Variants in UNC5C observed in about 807,000 individuals in gnomAD.
UNC5C encodes unc-5 netrin receptor C, also known as netrin receptor UNC5C.
Under a neutral mutation model 99.8 loss-of-function variants are expected in UNC5C, and 47 were observed. The observed-to-expected ratio is 0.47, with a 90% confidence interval of 0.37 to 0.60. The LOEUF (loss-of-function observed/expected upper bound fraction) is 0.60, where lower values mean the gene tolerates loss of function less well. UNC5C is among the 20% of genes least tolerant of loss of function. The probability of loss-of-function intolerance (pLI) is 0.00; values close to 1 mark genes in which losing one functional copy is unlikely to be tolerated. For missense variants in UNC5C, 1,062 were observed against 1,165.9 expected, an observed-to-expected ratio of 0.91 and a Z score of 1.30; for synonymous variants, 487 against 452.2, an observed-to-expected ratio of 1.08 and a Z score of -0.98.
intron 1 of UNC5C, among the ~76,000 whole-genome samples, chr4:95,385,144 G>T (rs1418155455): frequency 6.6e-6 from 1 of 152,062 alleles, no homozygotes; most frequent in Non-Finnish European, 1.5e-5. Context: ...CATTCACAGT[G>T]CTTTGTAGAC....
intron 1 of UNC5C, among the ~76,000 whole-genome samples, chr4:95,520,844 C>T (rs1238877412): frequency 6.6e-6 from 1 of 152,060 alleles, no homozygotes; most frequent in Non-Finnish European, 1.5e-5. Flanking sequence ...TCGTGATCCA[C>T]CCGCCTCGGC....
chr4:95,336,767 A>G (rs1254611961), intron 1 of UNC5C, among the ~76,000 whole-genome samples: 1 of 151,938 alleles, frequency 6.6e-6, no homozygotes, highest in Non-Finnish European at 1.5e-5. Context: ...CAAGCTGCCC[A>G]CAGTAGTAAA....
chr4:95,454,088 G>A (rs1400180892), intron 1 of UNC5C, among the ~76,000 whole-genome samples: 1 of 152,040 alleles, frequency 6.6e-6, no homozygotes, highest in Non-Finnish European at 1.5e-5. Context: ...TGGGGTGGTA[G>A]TTGCACAATA....
intron 1 of UNC5C, among the ~76,000 whole-genome samples, chr4:95,455,274 G>T (rs1262685729): frequency 6.6e-6 from 1 of 152,112 alleles, no homozygotes; most frequent in Non-Finnish European, 1.5e-5. Context: ...GCAAAGTGAT[G>T]TCTAAGCTGG....
intron 1 of UNC5C, among the ~76,000 whole-genome samples, chr4:95,369,952 T>C (rs2149438278): frequency 6.6e-6 from 1 of 152,210 alleles, no homozygotes; most frequent in South Asian, 2.1e-4. Context: ...CAGAATAACT[T>C]TACCATCTGT....
At chr4:95,405,271 A>C (rs1055326672) in intron 1 of UNC5C, among the ~76,000 whole-genome samples, 15 of 151,720 alleles carry the variant, frequency 9.9e-5, no homozygotes, top group African/African-American at 3.6e-4. Flanking sequence ...AGCCCAAAGT[A>C]CTCGCCCCGG....
chr4:95,332,902 T>C (rs1024419934), intron 2 of UNC5C, among the ~76,000 whole-genome samples: 26 of 151,816 alleles, frequency 1.7e-4, no homozygotes, highest in African/African-American at 6.3e-4. Flanking sequence ...CATCAAAAAG[T>C]GGGCAAAGGA....
intron 7 of UNC5C, among the ~76,000 whole-genome samples, chr4:95,240,178 C>T (rs185975744): frequency 4.5e-4 from 69 of 152,300 alleles, no homozygotes; most frequent in Non-Finnish European, 1.5e-5. Context: ...AACTTTCTGG[C>T]TATCTTTTCT....
At chr4:95,365,172 T>C (rs1191174695) in intron 1 of UNC5C, among the ~76,000 whole-genome samples, 1 of 149,926 alleles carries the variant, frequency 6.7e-6, no homozygotes, top group Non-Finnish European at 1.5e-5. Context: ...GGCATGTCCA[T>C]GTAGTCCCAG....
At chr4:95,484,262 T>C (rs967099465) in intron 1 of UNC5C, among the ~76,000 whole-genome samples, 1 of 151,858 alleles carries the variant, frequency 6.6e-6, no homozygotes, top group Non-Finnish European at 1.5e-5. Flanking sequence ...CATTCAAAGA[T>C]TTTGAGCAAA....
intron 1 of UNC5C, among the ~76,000 whole-genome samples, chr4:95,494,850 C>T (rs1721589986): frequency 6.6e-6 from 1 of 151,292 alleles, no homozygotes; most frequent in Non-Finnish European, 1.5e-5. Context: ...AGAAGTAACT[C>T]ACTATTGCCT....
intron 1 of UNC5C, among the ~76,000 whole-genome samples, chr4:95,392,620 T>A (rs1292976661): frequency 1.3e-5 from 2 of 151,770 alleles, no homozygotes; most frequent in Non-Finnish European, 2.9e-5. Context: ...CTTTTTTTTT[T>A]AGAGATGAGA....
chr4:95,191,723 A>C (rs1579215326), intron 12 of UNC5C, among the ~76,000 whole-genome samples: 13 of 113,620 alleles, frequency 1.1e-4, no homozygotes, highest in East Asian at 5.0e-4. Flanking sequence ...TTCCCTGCTC[A>C]CCTCCTCCCT....
At chr4:95,278,851 T>C (rs1470519296) in intron 3 of UNC5C, among the ~76,000 whole-genome samples, 1 of 152,186 alleles carries the variant, frequency 6.6e-6, no homozygotes, top group Admixed American at 6.5e-5. Context: ...TGGAATAAAT[T>C]GTGAAATTCA....
intron 1 of UNC5C, among the ~76,000 whole-genome samples, chr4:95,453,655 C>T (rs1476033741): frequency 6.6e-6 from 1 of 151,916 alleles, no homozygotes; most frequent in Non-Finnish European, 1.5e-5. Flanking sequence ...CATATAAAGG[C>T]ATTGTGCTAA....
In UNC5C at chr4:95,363,655, G is replaced by T. The variant is rs563455349; in HGVS notation, c.125-28024C>A. On this transcript the variant is annotated intron_variant, in intron 1 of 15. Transcript: ENST00000453304. ...GATATAATGCCCCTTCTGAAACAGT[G>T]CCAAGTTAGTTCATTGTTTAGCTAC... is the stretch of plus-strand genomic sequence containing the variant. 7.4e-4 allele frequency among the ~76,000 whole-genome samples: 113 copies of T among 152,236 alleles called. 1 individual carries two copies. The highest frequency in any genetic ancestry group is 3.4e-3 in the Middle Eastern group (1 of 292).
At chr4:95,479,043 T>C (rs368876882) in intron 1 of UNC5C, among the ~76,000 whole-genome samples, 1 of 151,978 alleles carries the variant, frequency 6.6e-6, no homozygotes, top group Admixed American at 6.6e-5. Flanking sequence ...GCTGAGAAGA[T>C]GTACGATCTC....
At chr4:95,297,425 C>A (rs749271999) in intron 3 of UNC5C, among the ~76,000 whole-genome samples, 1 of 152,116 alleles carries the variant, frequency 6.6e-6, no homozygotes, top group East Asian at 1.9e-4. Flanking sequence ...TTCTTTATAA[C>A]AGTTTTAATT....
At chr4:95,479,385 T>C (rs902622277) in intron 1 of UNC5C, among the ~76,000 whole-genome samples, 1 of 151,962 alleles carries the variant, frequency 6.6e-6, no homozygotes, top group Non-Finnish European at 1.5e-5. Context: ...GGGCATGTGA[T>C]TAAAAATCAT....
Sources: allele counts gnomAD v4.1 joint callset (sites outside exome capture counted in the v4.1 genomes callset), GRCh38; gene constraint gnomAD v4.1.1; transcripts MANE v1.5; gene names NCBI Gene and HGNC (gene_info 2026-07-23, HGNC 2026-07-21).